MGAM: variants seen among roughly 807,000 people sequenced by gnomAD.
MGAM encodes alpha-1,4-glucosidase.
Under a neutral mutation model 358.8 loss-of-function variants are expected in MGAM, and 253 were observed. The ratio of observed to expected loss-of-function variants is 0.71; its 90% CI spans 0.64 to 0.78. The LOEUF is 0.78. Among genes scored for constraint, MGAM ranks in the 30% least tolerant of loss-of-function variants. The pLI is 0.00. For synonymous variants in MGAM, 1,105 were observed against 1,227.1 expected (o/e 0.90, Z 2.08); for missense variants, 3,080 against 3,432.6 (o/e 0.90, Z 2.57).
At chr7:142,041,916 CGT>C (rs1808666868) in intron 21 of MGAM, among the ~76,000 whole-genome samples, 6 of 21,556 alleles carry the variant, frequency 2.8e-4, no homozygotes, top group Admixed American at 9.6e-4. Context: ...TATATATATA[CGT>C]ATAATATATA....
rs1328743484 is a variant in MGAM at position 142,092,409 on chromosome 7, A to T, written c.6946-112A>T. The T allele has an allele frequency of 4.7e-5, 52 of 1,104,260 alleles. 6 individuals carry two copies. The highest frequency in any genetic ancestry group is 6.7e-5 in the Non-Finnish European group (51 of 761,732). The allele number at this position is 1,104,260 out of a possible 1,614,324, so 68.4% of individuals were successfully genotyped here. A position where few individuals can be genotyped will look rare whatever the true frequency, so the allele number is the denominator to read the frequency against. ...ATTTGATGAAGCTCCCAGGGCTGGC[A>T]TCTATAGGGATTACTGGATGTTGAA... On this transcript the variant is annotated intron_variant, in intron 58 of 70. Coordinates refer to ENST00000475668, the MANE Select transcript of MGAM (RefSeq NM_001365693.1).
At chr7:142,041,782 C>T (rs1808589460) in intron 21 of MGAM, among the ~76,000 whole-genome samples, 1 of 145,276 alleles carries the variant, frequency 6.9e-6, no homozygotes, top group East Asian at 2.0e-4. Flanking sequence ...CCAAATGAAA[C>T]TTTACATTTC....
chr7:142,040,912 C>T lies in MGAM; in HGVS notation c.2498+66C>T, dbSNP rs577710413. Reference sequence around the variant, plus strand: ...TGCTTAAACCCTTTGAATTTCTTTTCGAAACACACTAACAGCCAGGTGGTC... The same window carrying T: ...TGCTTAAACCCTTTGAATTTCTTTTTGAAACACACTAACAGCCAGGTGGTC... On this transcript the variant is annotated intron_variant, in intron 21 of 70. Coordinates refer to ENST00000475668, the MANE Select transcript of MGAM (RefSeq NM_001365693.1). 234 of 1,520,304 alleles carry T rather than the reference C, an allele frequency of 1.5e-4. 3 individuals carry two copies. The South Asian group carries it at 1.9e-3, about 12-fold the overall frequency. The allele number at this position is 1,520,304 out of a possible 1,614,324, so 94.2% of individuals were successfully genotyped here.
chr7:142,043,785 C>T (rs1455129986), intron 21 of MGAM, among the ~76,000 whole-genome samples: 1 of 78,032 alleles, frequency 1.3e-5, no homozygotes, highest in African/African-American at 3.7e-5. Flanking sequence ...TATACACATA[C>T]GACATATAAT....
At position 142,041,883 on chromosome 7, in the gene MGAM, C is replaced by T. The variant is rs1183723061; in HGVS notation, c.2498+1037C>T. Reference sequence around the variant, plus strand: ...ATTTTATATATATATTATATATATACGTATAATATATAATATATATATTAT... The same window carrying T: ...ATTTTATATATATATTATATATATATGTATAATATATAATATATATATTAT... On this transcript the variant is annotated intron_variant, in intron 21 of 70. Coordinates refer to ENST00000475668, the MANE Select transcript of MGAM (RefSeq NM_001365693.1). Among the ~76,000 whole-genome samples the T allele has an allele frequency of 1.0e-3, 68 of 68,092 alleles. 3 individuals are homozygous for T. The highest frequency in any genetic ancestry group is 3.5e-3 in the African/African-American group (61 of 17,560). 44.7% of individuals were successfully genotyped at this position (68,092 alleles called of 152,430 possible). A position where few individuals can be genotyped will look rare whatever the true frequency, so the allele number is the denominator to read the frequency against.
chr7:142,030,134 G>A, intron 10 of MGAM: 1 of 480,756 alleles, frequency 2.1e-6, no homozygotes, highest in Non-Finnish European at 3.7e-6. Flanking sequence ...ATTGGATGAT[G>A]CAGTTAACCT....
chr7:142,087,949 G>A (rs1316336842), intron 57 of MGAM, among the ~76,000 whole-genome samples: 2 of 146,222 alleles, frequency 1.4e-5, no homozygotes, highest in Non-Finnish European at 3.1e-5. Flanking sequence ...CACCAGGAAT[G>A]TGACTGGTGA....
At chr7:142,025,633 G>A (rs913983733) in intron 8 of MGAM, among the ~76,000 whole-genome samples, 18 of 152,192 alleles carry the variant, frequency 1.2e-4, no homozygotes, top group Admixed American at 1.2e-3. Context: ...TGTGGTCCCT[G>A]AATGGGTCAC....
rs1420483444 is a variant in MGAM at position 142,025,295 on chromosome 7, C to T, written c.982+146C>T. On this transcript the variant is annotated intron_variant, in intron 8 of 70. Transcript: ENST00000475668. ...TTATAGATTCTCTAATTGTGCTATC[C>T]CTACTTCATTACCTATTGATCCATG... 5.0e-6 allele frequency: 3 copies of T among 602,660 alleles called. No individual in the cohort carries two copies. The African/African-American group carries it at 5.6e-5, about 11-fold the overall frequency. The allele number at this position is 602,660 out of a possible 1,614,324, so 37.3% of individuals were successfully genotyped here.
chr7:142,040,456 T>C, intron 20 of MGAM: 1 of 583,438 alleles, frequency 1.7e-6, no homozygotes, highest in Non-Finnish European at 3.0e-6. Flanking sequence ...GTGAGCTTGG[T>C]CAGGAATCAG....
chr7:142,101,895 C>G (rs532918307), intron 68 of MGAM, among the ~76,000 whole-genome samples: 1 of 134,268 alleles, frequency 7.4e-6, no homozygotes, highest in African/African-American at 2.9e-5. Flanking sequence ...GCAACAAGAG[C>G]GAAACTCTGT....
At chr7:142,032,770 C>T in intron 13 of MGAM, 55 bp from the exon 14 acceptor site, 2 of 1,065,318 alleles carry the variant, frequency 1.9e-6, no homozygotes, top group Non-Finnish European at 2.8e-6. Flanking sequence ...ACCATCACGA[C>T]ATCATAAGAT....
chr7:142,102,632 A>AC lies in MGAM; in HGVS notation c.7968dup (p.Tyr2657LeufsTer40). 6.2e-7 allele frequency: 1 copy of AC among 1,613,230 alleles called. No individual in the cohort carries two copies. The highest frequency in any genetic ancestry group is 1.3e-5 in the African/African-American group (1 of 75,008). Reference sequence around the variant, plus strand: ...TTTATCTTGTTTTTTGTTTGCAGATACCTATGGGAAAGGACTCTATTACTT... The same window carrying AC: ...TTTATCTTGTTTTTTGTTTGCAGATACCCTATGGGAAAGGACTCTATTACTT... On this transcript the variant is annotated frameshift_variant, in exon 69 of 71. Transcript: ENST00000475668. LOFTEE classifies it high-confidence loss of function.
intron 42 of MGAM, among the ~76,000 whole-genome samples, chr7:142,067,963 TAAATATATATATATATATATATA>T (rs1812959674): frequency 8.7e-5 from 3 of 34,414 alleles, no homozygotes; most frequent in Admixed American, 4.8e-4. Context: ...TATATATATA[TAAATATATATATATATATATATA>T]TTTTTTTTTT....
intron 58 of MGAM, among the ~76,000 whole-genome samples, 157 bp downstream of exon 58, chr7:142,092,204 GATAGCCCTC>G (rs1411578217): frequency 3.4e-5 from 5 of 145,848 alleles, no homozygotes; most frequent in African/African-American, 1.2e-4. Flanking sequence ...GAACAGCCCT[GATAGCCCTC>G]ACACCTTCTA....
chr7:141,989,174 G>A (rs1286722147), intron 2 of MGAM, among the ~76,000 whole-genome samples: 1 of 151,766 alleles, frequency 6.6e-6, no homozygotes, highest in African/African-American at 2.4e-5. Flanking sequence ...TGTAGTAGTG[G>A]TTTTTCTCCA....
chr7:142,036,131 G>A lies in MGAM; in HGVS notation c.1960-38G>A, dbSNP rs560483270. ...GGAAAGCAAAGGAGGGTGGTTAGAA[G>A]GAAGTGAGGTATACCTGTTGTCTGT... On this transcript the variant is annotated intron_variant, in intron 16 of 70. Coordinates refer to ENST00000475668, the MANE Select transcript of MGAM (RefSeq NM_001365693.1). The A allele has an allele frequency of 5.6e-6, 8 of 1,435,350 alleles. No individual in the cohort carries two copies. The South Asian group carries it at 7.2e-5, about 13-fold the overall frequency. The allele number at this position is 1,435,350 out of a possible 1,614,324, so 88.9% of individuals were successfully genotyped here.
At position 142,084,596 on chromosome 7, in the gene MGAM, T is replaced by C; in HGVS notation, c.6459T>C (p.Ser2153=). The stretch of plus-strand genomic sequence containing the variant: ...GTCGCTATGGCTACCAGAACGACTC[T>C]GAGATCTCCAGCTTGTATGATGAGA... ...QLCRYGYQND[S]EISSLYDEMV... The change falls in exon 54 of 71, where the codon TCT becomes TCC. Residue 2153 remains serine (S), a synonymous_variant. Transcript: ENST00000475668. 6.4e-7 allele frequency: 1 copy of C among 1,556,564 alleles called. No homozygotes were observed. Among genetic ancestry groups the C allele is most frequent in the Non-Finnish European group, 8.8e-7 (1 of 1,132,780 alleles).
At chr7:142,044,966 TA>T (rs2094193557) in intron 21 of MGAM, among the ~76,000 whole-genome samples, 1 of 107,088 alleles carries the variant, frequency 9.3e-6, no homozygotes, top group African/African-American at 3.5e-5. Context: ...ACACGTGTAA[TA>T]TATGATATAT....
Sources: allele counts gnomAD v4.1 joint callset (sites outside exome capture counted in the v4.1 genomes callset), GRCh38; gene constraint gnomAD v4.1.1; transcripts MANE v1.5; gene names NCBI Gene and HGNC (gene_info 2026-07-23, HGNC 2026-07-21).